Variants in ESR1 observed in about 807,000 individuals in gnomAD.
The protein encoded by ESR1 is estrogen receptor.
ESR1 carries 12 observed loss-of-function variants against 52.7 expected under a neutral mutation model. The ratio of observed to expected loss-of-function variants is 0.23; its 90% CI spans 0.15 to 0.37. The LOEUF is 0.37. ESR1 is among the 10% of genes least tolerant of loss of function. ESR1 has a pLI of 1.00. For missense variants in ESR1, 584 were observed against 779.7 expected, an observed-to-expected ratio of 0.75 and a Z score of 2.99; for synonymous variants, 305 against 316.8, an observed-to-expected ratio of 0.96 and a Z score of 0.39.
intron 2 of ESR1, among the ~76,000 whole-genome samples, chr6:151,721,203 C>T (rs1393867679): frequency 6.6e-6 from 1 of 152,152 alleles, no homozygotes; most frequent in East Asian, 1.9e-4. Context: ...AGGACTAATG[C>T]AACATGTTGG....
At position 151,850,074 on chromosome 6, in the gene ESR1, A is replaced by AT. The variant is rs1491141686; in HGVS notation, c.643+7287_643+7288insT. ...TATATATATAATTTTATATATATATAAAAAATTATATATATATAATTTTAT... is the reference window on the plus strand; with the variant it reads ...TATATATATAATTTTATATATATATATAAAAATTATATATATATAATTTTAT... On this transcript the variant is annotated intron_variant, in intron 2 of 7. Transcript: ENST00000206249. Among the ~76,000 whole-genome samples the AT allele has an allele frequency of 4.0e-4, 31 of 76,638 alleles. 1 individual carries two copies. The East Asian group carries it at 0.012, about 29-fold the overall frequency. 50.3% of individuals were successfully genotyped at this position (76,638 alleles called of 152,430 possible). A position where few individuals can be genotyped will look rare whatever the true frequency, so the allele number is the denominator to read the frequency against.
intron 2 of ESR1, among the ~76,000 whole-genome samples, chr6:151,849,994 A>ATATAATTT (rs1554268084): frequency 1.9e-5 from 2 of 105,082 alleles, no homozygotes; most frequent in African/African-American, 3.8e-5. Flanking sequence ...ATATATATAT[A>ATATAATTT]TATATATATA....
At chr6:151,855,752 T>C (rs1787713895) in intron 2 of ESR1, among the ~76,000 whole-genome samples, 1 of 152,104 alleles carries the variant, frequency 6.6e-6, no homozygotes, top group African/African-American at 2.4e-5. Context: ...GAAAAAGGGG[T>C]ATTTCAGAAA....
At chr6:151,949,288 G>A (rs911925284) in intron 4 of ESR1, among the ~76,000 whole-genome samples, 16 of 152,226 alleles carry the variant, frequency 1.1e-4, no homozygotes, top group African/African-American at 3.9e-4. Context: ...GTAGGGATGA[G>A]GGTTCCCGGA....
At chr6:151,806,355 C>A (rs187266023), upstream of ESR1, among the ~76,000 whole-genome samples, 13 of 151,826 alleles carry the variant, frequency 8.6e-5, no homozygotes, top group East Asian at 1.6e-3. Context: ...TTTAGATAGA[C>A]CATGAACACT....
intron 1 of ESR1, among the ~76,000 whole-genome samples, chr6:151,832,942 A>C (rs1411958792): frequency 6.6e-6 from 1 of 152,174 alleles, no homozygotes; most frequent in African/African-American, 2.4e-5. Context: ...TCTTTTCTGG[A>C]GATGCACAGT....
chr6:152,093,418 G>A (rs1418210497), intron 6 of ESR1, among the ~76,000 whole-genome samples: 2 of 148,954 alleles, frequency 1.3e-5, no homozygotes, highest in African/African-American at 5.0e-5. Flanking sequence ...TTTCCTTTCT[G>A]CAGACAGGAG....
At chr6:151,893,944 T>G (rs1211989704) in intron 3 of ESR1, among the ~76,000 whole-genome samples, 1 of 152,056 alleles carries the variant, frequency 6.6e-6, no homozygotes, top group Non-Finnish European at 1.5e-5. Flanking sequence ...GATTTAGGAG[T>G]GAGGGATCAA....
At chr6:151,885,590 C>G (rs1043031553) in intron 3 of ESR1, among the ~76,000 whole-genome samples, 1 of 152,218 alleles carries the variant, frequency 6.6e-6, no homozygotes, top group African/African-American at 2.4e-5. Flanking sequence ...ATTGTCCAAG[C>G]ACGGTGGCTT....
chr6:151,735,845 T>C (rs1315452310), intron 2 of ESR1, among the ~76,000 whole-genome samples: 1 of 152,140 alleles, frequency 6.6e-6, no homozygotes, highest in African/African-American at 2.4e-5. Context: ...GGGAGGTGAT[T>C]GGATCATGGG....
At chr6:152,007,773 A>G (rs2042444478) in intron 4 of ESR1, among the ~76,000 whole-genome samples, 1 of 151,872 alleles carries the variant, frequency 6.6e-6, no homozygotes, top group Non-Finnish European at 1.5e-5. Context: ...GGGATGAATC[A>G]CCTCTCACTT....
intron 4 of ESR1, among the ~76,000 whole-genome samples, chr6:151,963,794 T>C (rs2037941796): frequency 6.6e-6 from 1 of 152,226 alleles, no homozygotes; most frequent in African/African-American, 2.4e-5. Flanking sequence ...TTTCTTCTGG[T>C]ATTTATATAG....
At chr6:151,687,331 T>C (rs1778729444), upstream of ESR1, among the ~76,000 whole-genome samples, 1 of 152,202 alleles carries the variant, frequency 6.6e-6, no homozygotes, top group South Asian at 2.1e-4. Flanking sequence ...GGTCAGGTAC[T>C]GATTGATATC....
chr6:151,776,483 G>A (rs1786002087), intron 2 of ESR1, among the ~76,000 whole-genome samples: 1 of 152,186 alleles, frequency 6.6e-6, no homozygotes. Flanking sequence ...AACTACCAGG[G>A]AATTAGCTCT....
At chr6:151,679,304 T>C (rs547439959) in intron 1 of ESR1, among the ~76,000 whole-genome samples, 124 of 152,244 alleles carry the variant, frequency 8.1e-4, no homozygotes, top group African/African-American at 2.9e-3. Flanking sequence ...TGGCCTGTTT[T>C]CTTCTCTTAA....
At chr6:151,883,081 A>G (rs1793218892) in intron 3 of ESR1, among the ~76,000 whole-genome samples, 1 of 152,024 alleles carries the variant, frequency 6.6e-6, no homozygotes, top group African/African-American at 2.4e-5. Flanking sequence ...CTGGACATGC[A>G]TAATCAAAGT....
Position 151,944,370 on chromosome 6 carries a change from T to C in ESR1, c.958T>C (p.Leu320=), listed in dbSNP as rs781112065. 1.2e-6 allele frequency: 2 copies of C among 1,614,012 alleles called. No individual in the cohort carries two copies. The highest frequency in any genetic ancestry group is 1.7e-6 in the Non-Finnish European group (2 of 1,179,928). ...GGCCGACCAGATGGTCAGTGCCTTG[T>C]TGGATGCTGAGCCCCCGATACTCTA... ...LTADQMVSAL[L]DAEPPILYSE... The change falls in exon 4 of 8, where the codon TTG becomes CTG. Residue 320 remains leucine, a synonymous_variant. Coordinates refer to ENST00000206249, the MANE Select transcript of ESR1 (RefSeq NM_000125.4).
At chr6:151,680,483 A>G (rs910144486) in intron 1 of ESR1, among the ~76,000 whole-genome samples, 2 of 152,054 alleles carry the variant, frequency 1.3e-5, no homozygotes, top group Non-Finnish European at 2.9e-5. Flanking sequence ...GGGGGTCGTG[A>G]GCCACCATGC....
chr6:151,714,165 A>G (rs1200461701), intron 2 of ESR1, among the ~76,000 whole-genome samples: 1 of 152,202 alleles, frequency 6.6e-6, no homozygotes, highest in Admixed American at 6.5e-5. Flanking sequence ...TGAGTTTCTT[A>G]ATCCTGAGTT....
Sources: allele counts gnomAD v4.1 joint callset (sites outside exome capture counted in the v4.1 genomes callset), GRCh38; gene constraint gnomAD v4.1.1; transcripts MANE v1.5; gene names NCBI Gene and HGNC (gene_info 2026-07-23, HGNC 2026-07-21).